Variants in PDGFD observed in about 807,000 individuals in gnomAD.
PDGFD encodes the protein platelet derived growth factor D.
In PDGFD, 30 loss-of-function variants were observed where a neutral mutation model predicts 44.7. The ratio of observed to expected loss-of-function variants is 0.67; its 90% CI spans 0.50 to 0.91. The LOEUF (loss-of-function observed/expected upper bound fraction) is 0.91. Ranked by LOEUF, PDGFD falls within the 40% of genes least tolerant of loss-of-function variation. The pLI is 0.00. For missense variants in PDGFD, 445 were observed against 457.8 expected (o/e 0.97, Z 0.25); for synonymous variants, 173 against 168.4 (o/e 1.03, Z -0.21).
At chr11:104,134,182 A>G (rs1861967179) in intron 1 of PDGFD, among the ~76,000 whole-genome samples, 1 of 121,376 alleles carries the variant, frequency 8.2e-6, no homozygotes, top group African/African-American at 3.2e-5. Flanking sequence ...GGTCACAAAC[A>G]CAGATATAAA....
chr11:103,974,569 T>A (rs260824), intron 3 of PDGFD, among the ~76,000 whole-genome samples: 71,306 of 151,924 alleles, frequency 0.47, 16,902 homozygotes, highest in South Asian at 0.61. Flanking sequence ...CATCAACTCA[T>A]CATCTAGGTT....
Position 103,978,911 on chromosome 11 carries a change from G to A in PDGFD, c.510+17154C>T, listed in dbSNP as rs567638919. Among the ~76,000 whole-genome samples the A allele has an allele frequency of 8.5e-5, 13 of 152,118 alleles. No individual in the cohort carries two copies. The East Asian group carries it at 1.9e-3, about 23-fold the overall frequency. ...ACTTGGGGATGGTATTGTCAGAGAA[G>A]GGGATGAATCCTGGGGCTCTGCTTC... On this transcript the variant is annotated intron_variant, in intron 3 of 6. Coordinates refer to ENST00000393158, the MANE Select transcript of PDGFD (RefSeq NM_025208.5).
chr11:103,945,434 G>A (rs1858654629), intron 4 of PDGFD: 1 of 152,114 alleles, frequency 6.6e-6, no homozygotes, highest in South Asian at 2.1e-4. Context: ...CCATTAACTT[G>A]TATTGTCGGA....
intron 1 of PDGFD, among the ~76,000 whole-genome samples, chr11:104,043,249 T>A (rs1201886306): frequency 1.3e-5 from 2 of 152,228 alleles, no homozygotes; most frequent in East Asian, 3.8e-4. Flanking sequence ...ATTGACCACC[T>A]GCTGCATGTC....
At position 104,002,227 on chromosome 11, in the gene PDGFD, G is replaced by A. The variant is rs544940914; in HGVS notation, c.125-1972C>T. ...GTGTCTGCTCATTTTGTCATAAGGGGCTTTTAGGCAATGGGTCTTGATATG... is the reference window on the plus strand; with the variant it reads ...GTGTCTGCTCATTTTGTCATAAGGGACTTTTAGGCAATGGGTCTTGATATG... On this transcript the variant is annotated intron_variant, in intron 1 of 6. Transcript: ENST00000393158. Among the ~76,000 whole-genome samples, 21 of 152,264 alleles carry A rather than the reference G, an allele frequency of 1.4e-4. No homozygotes were observed. In the South Asian group the frequency reaches 4.4e-3, roughly 32 times the overall value.
At chr11:104,088,853 C>T (rs1345764785) in intron 1 of PDGFD, among the ~76,000 whole-genome samples, 1 of 152,028 alleles carries the variant, frequency 6.6e-6, no homozygotes, top group African/African-American at 2.4e-5. Flanking sequence ...TCCCTCTATA[C>T]CCAGGGAGGT....
intron 5 of PDGFD, among the ~76,000 whole-genome samples, chr11:103,931,101 T>A (rs1270886684): frequency 6.6e-6 from 1 of 152,124 alleles, no homozygotes; most frequent in Admixed American, 6.5e-5. Context: ...AAAACCAATA[T>A]AATATTTCAC....
intron 1 of PDGFD, among the ~76,000 whole-genome samples, chr11:104,117,234 A>T (rs866762057): frequency 6.6e-6 from 1 of 152,028 alleles, no homozygotes; most frequent in Non-Finnish European, 1.5e-5. Flanking sequence ...ACATACCTCA[A>T]TGTAATAAAT....
At chr11:104,102,753 A>C (rs934867189) in intron 1 of PDGFD, among the ~76,000 whole-genome samples, 13 of 152,206 alleles carry the variant, frequency 8.5e-5, no homozygotes, top group South Asian at 2.1e-4. Flanking sequence ...CAGCCATAAA[A>C]AAGGATGATT....
intron 1 of PDGFD, among the ~76,000 whole-genome samples, chr11:104,088,867 A>G (rs1861171288): frequency 1.3e-5 from 2 of 152,040 alleles, no homozygotes; most frequent in Non-Finnish European, 2.9e-5. Flanking sequence ...GGGAGGTTCT[A>G]ATGGTGCACC....
intron 1 of PDGFD, among the ~76,000 whole-genome samples, chr11:104,069,778 T>C (rs1860846503): frequency 6.6e-6 from 1 of 152,186 alleles, no homozygotes; most frequent in Non-Finnish European, 1.5e-5. Context: ...GAGAATGGCG[T>C]GAACCCGGGA....
chr11:103,950,058 T>A (rs1371617103), intron 3 of PDGFD, among the ~76,000 whole-genome samples: 2 of 152,122 alleles, frequency 1.3e-5, no homozygotes, highest in Non-Finnish European at 2.9e-5. Flanking sequence ...GTTTGCTACA[T>A]GAGAATGGAC....
chr11:104,002,780 TTA>T lies in PDGFD; in HGVS notation c.125-2527_125-2526del, dbSNP rs370514689. 4.6e-5 allele frequency among the ~76,000 whole-genome samples: 7 copies of T among 152,348 alleles called. 1 individual carries two copies. The highest frequency in any genetic ancestry group is 1.7e-4 in the African/African-American group (7 of 41,574). ...TGCCTCTAGTGCTATTAATTATTTATTAGTTTCTCTCTAAATTAATATTTTAA... is the reference window on the plus strand; with the variant it reads ...TGCCTCTAGTGCTATTAATTATTTATGTTTCTCTCTAAATTAATATTTTAA... On this transcript the variant is annotated intron_variant, in intron 1 of 6. Transcript: ENST00000393158.
intron 5 of PDGFD, among the ~76,000 whole-genome samples, chr11:103,935,675 A>G (rs191916040): frequency 6.6e-6 from 1 of 152,318 alleles, no homozygotes; most frequent in Non-Finnish European, 1.5e-5. Context: ...TTAGAGCCTT[A>G]TAGGGAAGAC....
At chr11:104,024,687 T>C (rs1027373961) in intron 1 of PDGFD, among the ~76,000 whole-genome samples, 1 of 152,188 alleles carries the variant, frequency 6.6e-6, no homozygotes, top group Non-Finnish European at 1.5e-5. Flanking sequence ...TCTATGATGT[T>C]CACACAATGA....
chr11:103,990,235 A>T (rs1859429131), intron 3 of PDGFD, among the ~76,000 whole-genome samples: 1 of 151,944 alleles, frequency 6.6e-6, no homozygotes, highest in Non-Finnish European at 1.5e-5. Flanking sequence ...GAAAATCATC[A>T]CTCCAAGGGA....
At chr11:104,083,982 C>A (rs1380168960) in intron 1 of PDGFD, among the ~76,000 whole-genome samples, 1 of 152,202 alleles carries the variant, frequency 6.6e-6, no homozygotes, top group Non-Finnish European at 1.5e-5. Context: ...AGCCAAGTAA[C>A]TGTAAACTGA....
At chr11:104,012,141 C>A (rs1348361247) in intron 1 of PDGFD, among the ~76,000 whole-genome samples, 1 of 152,058 alleles carries the variant, frequency 6.6e-6, no homozygotes, top group Non-Finnish European at 1.5e-5. Context: ...CTAGTGATAC[C>A]TAACCCACAT....
At chr11:104,059,831 T>C (rs1001013732) in intron 1 of PDGFD, among the ~76,000 whole-genome samples, 7 of 152,222 alleles carry the variant, frequency 4.6e-5, no homozygotes, top group Non-Finnish European at 1.0e-4. Flanking sequence ...GAGAACAGGA[T>C]CTTAGCTTAT....
Sources: allele counts gnomAD v4.1 joint callset (sites outside exome capture counted in the v4.1 genomes callset), GRCh38; gene constraint gnomAD v4.1.1; transcripts MANE v1.5; gene names NCBI Gene and HGNC (gene_info 2026-07-23, HGNC 2026-07-21).